The following B4GALT6 variants were observed in gnomAD, a reference collection of about 807,000 sequenced individuals.
B4GALT6 encodes the protein UDP-Gal:beta-GlcNAc beta-1,4-galactosyltransferase 6.
In B4GALT6, 14 loss-of-function variants were observed where a neutral mutation model predicts 46.3. The observed-to-expected ratio is 0.30, with a 90% CI of 0.20 to 0.47. The LOEUF (loss-of-function observed/expected upper bound fraction) is 0.47. Among genes scored for constraint, B4GALT6 ranks in the 20% least tolerant of loss-of-function variants. The pLI is 0.99. For missense variants in B4GALT6, 386 were observed against 480.1 expected (o/e 0.80, Z 1.83); for synonymous variants, 168 against 162.0 (o/e 1.04, Z -0.28).
At chr18:31,629,982 A>G (rs1202665402) in intron 6 of B4GALT6, among the ~76,000 whole-genome samples, 1 of 149,678 alleles carries the variant, frequency 6.7e-6, no homozygotes, top group Non-Finnish European at 1.5e-5. Context: ...ATGACCAGCA[A>G]AAAAAAAGGA....
chr18:31,645,503 T>C (rs201760528), intron 3 of B4GALT6, 24 bp from the exon 4 acceptor site: 4 of 1,599,698 alleles, frequency 2.5e-6, no homozygotes, highest in Non-Finnish European at 3.4e-6. Context: ...ATGTAAAGAA[T>C]TGTTTTAATA....
upstream of B4GALT6, among the ~76,000 whole-genome samples, chr18:31,685,141 G>C (rs1280746909): frequency 1.4e-5 from 2 of 147,046 alleles, no homozygotes; most frequent in South Asian, 2.1e-4. Context: ...GCACAGGCCA[G>C]GGCGGCGTCC....
chr18:31,703,891 G>A, the B4GALT6 span, among the ~76,000 whole-genome samples: 2 of 152,300 alleles, frequency 1.3e-5, no homozygotes, highest in African/African-American at 4.8e-5. Context: ...GCAGGGGTGA[G>A]AGGTTTAAAT....
At chr18:31,661,995 C>T (rs1025563098) in intron 2 of B4GALT6, among the ~76,000 whole-genome samples, 7 of 152,218 alleles carry the variant, frequency 4.6e-5, no homozygotes, top group African/African-American at 1.7e-4. Flanking sequence ...CCACATCCAA[C>T]TCACAGAAGT....
At chr18:31,697,800 T>C in the B4GALT6 span, among the ~76,000 whole-genome samples, 6 of 152,216 alleles carry the variant, frequency 3.9e-5, no homozygotes, top group African/African-American at 7.2e-5. Context: ...TGGGTTTTTT[T>C]CCCCAACCTT....
At chr18:31,669,596 C>T (rs1412419476) in intron 1 of B4GALT6, among the ~76,000 whole-genome samples, 1 of 151,768 alleles carries the variant, frequency 6.6e-6, no homozygotes, top group Non-Finnish European at 1.5e-5. Flanking sequence ...TTGGTAACTA[C>T]AAAAACATGG....
chr18:31,673,704 T>TA (rs775431019), intron 1 of B4GALT6, among the ~76,000 whole-genome samples: 2 of 152,160 alleles, frequency 1.3e-5, no homozygotes, highest in Non-Finnish European at 1.5e-5. Flanking sequence ...CTTTAATTCT[T>TA]ACAACCACCT....
rs755190376 is a variant in B4GALT6 at position 31,638,686 on chromosome 18, G to A, written c.546C>T (p.Leu182=). The change falls in exon 5 of 9, where the codon CTC becomes CTT. Residue 182 remains leucine, a synonymous_variant. Transcript: ENST00000306851. ...PIFFLHLIPM[L]QKQRLEFAFY... ...ACGCAAATTCCAGCCGCTGCTTCTG[G>A]AGCATTGGAATCAGATGTAAGAAAA... 2.9e-5 allele frequency: 46 copies of A among 1,613,886 alleles called. No homozygotes were observed. Among genetic ancestry groups the A allele is most frequent in the African/African-American group, 9.4e-5 (7 of 74,844 alleles).
rs766567692 is a variant in B4GALT6, at chr18:31,651,405, G to A, written c.347-5926C>T. Among the ~76,000 whole-genome samples, 7 of 151,952 alleles carry A rather than the reference G, an allele frequency of 4.6e-5. 1 individual carries two copies. Among genetic ancestry groups the A allele is most frequent in the Admixed American group, 3.3e-4 (5 of 15,264 alleles). ...TATTGTGACTCCACCAGGGTGGGGT[G>A]GGGGGCTCTCTAGGATAACCTGTTA... is the stretch of plus-strand genomic sequence containing the variant. On this transcript the variant is annotated intron_variant, in intron 3 of 8. Coordinates refer to ENST00000306851, the MANE Select transcript of B4GALT6 (RefSeq NM_004775.5).
At chr18:31,703,051 G>C in the B4GALT6 span, among the ~76,000 whole-genome samples, 1 of 152,126 alleles carries the variant, frequency 6.6e-6, no homozygotes, top group Non-Finnish European at 1.5e-5. Context: ...TTTTACTGTT[G>C]CAAGTTTTTA....
In B4GALT6 at chr18:31,625,656, A is replaced by G. The variant is rs1052468098; in HGVS notation, c.1107T>C (p.Ser369=). The change falls in exon 9 of 9, where the codon TCT becomes TCC. Residue 369 remains serine (S), a synonymous_variant. Transcript: ENST00000306851. ...GAGCTAACTCTGGCATGAGGTTTAC[A>G]GATATGTTTGTATACAACCTATCAA... ...ILVDRLYTNI[S]VNLMPELAPI... The G allele has an allele frequency of 6.2e-7, 1 of 1,613,680 alleles. No homozygotes were observed. The highest frequency in any genetic ancestry group is 1.7e-5 in the Admixed American group (1 of 59,908).
the B4GALT6 span, among the ~76,000 whole-genome samples, chr18:31,708,996 G>A: frequency 1.3e-5 from 2 of 152,108 alleles, no homozygotes; most frequent in African/African-American, 4.8e-5. Flanking sequence ...AGCAATAGAG[G>A]TGAATGGAGC....
chr18:31,695,994 T>C, the B4GALT6 span, among the ~76,000 whole-genome samples: 1 of 152,210 alleles, frequency 6.6e-6, no homozygotes, highest in African/African-American at 2.4e-5. Flanking sequence ...AGAAAGATTA[T>C]ATCAAGAATG....
At chr18:31,651,139 C>G (rs139142972) in intron 3 of B4GALT6, among the ~76,000 whole-genome samples, 1 of 152,064 alleles carries the variant, frequency 6.6e-6, no homozygotes, top group South Asian at 2.1e-4. Context: ...GACCTTCACC[C>G]GATCACAGCA....
chr18:31,633,281 C>T (rs1177197139), intron 5 of B4GALT6, among the ~76,000 whole-genome samples: 1 of 151,970 alleles, frequency 6.6e-6, no homozygotes, highest in African/African-American at 2.4e-5. Context: ...AGGTGGACGT[C>T]GAGAGGAACA....
intron 2 of B4GALT6, 35 bp downstream of exon 2, chr18:31,666,221 G>C: frequency 7.9e-7 from 1 of 1,272,666 alleles, no homozygotes; most frequent in South Asian, 1.5e-5. Context: ...TTACTGCTTT[G>C]TAACTACAAG....
At chr18:31,715,537 C>CTTTTTTT in the B4GALT6 span, among the ~76,000 whole-genome samples, 20 of 49,628 alleles carry the variant, frequency 4.0e-4, 2 homozygotes, top group African/African-American at 1.4e-3. Flanking sequence ...CTGGAACTGT[C>CTTTTTTT]TTTTTTTTTT....
chr18:31,670,345 G>A lies in B4GALT6; in HGVS notation c.116-3973C>T, dbSNP rs192209390. 1.6e-4 allele frequency among the ~76,000 whole-genome samples: 24 copies of A among 152,198 alleles called. No individual in the cohort carries two copies. In the East Asian group the frequency reaches 2.9e-3, roughly 18 times the overall value. ...GGTGGGATCACAGGCGTGAGCCACC[G>A]CACCAGGCCTTTAAAATGATTTTTT... On this transcript the variant is annotated intron_variant, in intron 1 of 8. Transcript: ENST00000306851.
At chr18:31,673,463 T>C (rs901788649) in intron 1 of B4GALT6, among the ~76,000 whole-genome samples, 1 of 151,966 alleles carries the variant, frequency 6.6e-6, no homozygotes, top group Non-Finnish European at 1.5e-5. Context: ...AGACAAGAGC[T>C]AGACATCCTG....
Sources: gnomAD v4.1 joint callset for allele counts (sites outside exome capture counted in the v4.1 genomes callset) on GRCh38, gnomAD v4.1.1 for gene constraint, MANE v1.5 for transcripts, NCBI Gene and HGNC (gene_info 2026-07-23, HGNC 2026-07-21) for gene names.